The following DLC1 variants were observed in gnomAD, a reference collection of about 807,000 sequenced individuals.
DLC1 encodes the protein rho GTPase-activating protein 7.
A neutral mutation model predicts 140.3 loss-of-function variants in DLC1; 54 were observed. The observed-to-expected ratio is 0.38, with a 90% CI of 0.31 to 0.48. DLC1 has a LOEUF of 0.48. DLC1 is among the 20% of genes least tolerant of loss of function. The probability of loss-of-function intolerance (pLI) is 0.96; values close to 1 mark genes in which losing one functional copy is unlikely to be tolerated. For missense variants in DLC1, 2,536 were observed against 1,907.0 expected, an observed-to-expected ratio of 1.33 and a Z score of -6.14; for synonymous variants, 986 against 728.1, an observed-to-expected ratio of 1.35 and a Z score of -5.70.
At chr8:13,428,337 T>C (rs1287772143) in intron 2 of DLC1, among the ~76,000 whole-genome samples, 4 of 152,172 alleles carry the variant, frequency 2.6e-5, no homozygotes, top group Non-Finnish European at 5.9e-5. Context: ...TAGAGGATTT[T>C]CACTTTAATT....
intron 1 of DLC1, among the ~76,000 whole-genome samples, chr8:13,537,576 A>G (rs2101109): frequency 0.64 from 97,307 of 151,580 alleles, 31,478 homozygotes; most frequent in Non-Finnish European, 0.66. Context: ...GCAGAGTGAC[A>G]GTAACTGTTG....
At chr8:13,130,059 T>G (rs548636833) in intron 5 of DLC1, among the ~76,000 whole-genome samples, 59 of 152,290 alleles carry the variant, frequency 3.9e-4, no homozygotes, top group African/African-American at 1.3e-3. Context: ...CCCACTGTAC[T>G]CTGGATGCCC....
chr8:13,547,479 G>A (rs1338743306), intron 1 of DLC1, among the ~76,000 whole-genome samples: 1 of 152,004 alleles, frequency 6.6e-6, no homozygotes, highest in Non-Finnish European at 1.5e-5. Flanking sequence ...AAATGTCACT[G>A]TCTTAAGGGA....
At chr8:13,443,108 A>G (rs1438501700) in intron 2 of DLC1, among the ~76,000 whole-genome samples, 1 of 151,804 alleles carries the variant, frequency 6.6e-6, no homozygotes, top group African/African-American at 2.4e-5. Context: ...TCAAGGACAA[A>G]AAACCAAACA....
intron 4 of DLC1, among the ~76,000 whole-genome samples, chr8:13,353,873 A>G (rs1834797501): frequency 6.6e-6 from 1 of 151,850 alleles, no homozygotes; most frequent in Non-Finnish European, 1.5e-5. Context: ...AAAAAAAAAA[A>G]GATTTTTCTC....
rs575115241 is a variant in DLC1 at position 13,191,978 on chromosome 8, G to T, written c.1349-76321C>A. 1.1e-4 allele frequency among the ~76,000 whole-genome samples: 17 copies of T among 149,870 alleles called. No homozygotes were observed. The South Asian group carries it at 3.6e-3, about 32-fold the overall frequency. On this transcript the variant is annotated intron_variant, in intron 5 of 17. Coordinates refer to ENST00000276297, the MANE Select transcript of DLC1 (RefSeq NM_182643.3). ...TATTATTTTTATGGAGTCTTGCTCT[G>T]TTGCCCAGGCTGGAGTACAGTGGTG...
intron 1 of DLC1, among the ~76,000 whole-genome samples, chr8:13,506,581 GTATATA>G (rs36209609): frequency 0.13 from 17,653 of 130,820 alleles, 1,488 homozygotes; most frequent in Middle Eastern, 0.2. Context: ...GTGTGTGTGT[GTATATA>G]TATATATATA....
In DLC1 at chr8:13,085,863, C is replaced by T. The variant is rs747768907; in HGVS notation, c.4535G>A (p.Arg1512Gln). 6 of 1,614,130 alleles carry T rather than the reference C, an allele frequency of 3.7e-6. No individual in the cohort carries two copies. The South Asian group carries it at 5.5e-5, about 15-fold the overall frequency. ...AGTGTTCTGGTTACTGAAGGAATCC[C>T]GGATCTTTACAACTTCAGCTGCACA... is the stretch of plus-strand genomic sequence containing the variant. ...HLCAAEVVKI[R>Q]DSFSNQNTET... The change falls in exon 18 of 18, where the codon CGG becomes CAG. Residue 1512 changes from arginine (R) to glutamine (Q), a missense_variant. Physicochemically the swap from Arg to Gln is conservative, Grantham distance 43. Transcript: ENST00000276297.
Position 13,090,264 on chromosome 8 carries a change from C to G in DLC1, c.4062G>C (p.Leu1354=), listed in dbSNP as rs150834846. ...GGTGAAGCCTTACCTTCTTATAGGACAGCTCAGCCTGCTCCGAAGTGGAGT... is the reference window on the plus strand; with the variant it reads ...GGTGAAGCCTTACCTTCTTATAGGAGAGCTCAGCCTGCTCCGAAGTGGAGT... The part of the protein sequence containing the change: ...VSYSTSEQAE[L]SYKKVSEGPP... Residue 1354 remains leucine, a synonymous_variant, in exon 15 of 18, where the codon CTG becomes CTC. Transcript: ENST00000276297. The G allele has an allele frequency of 6.2e-7, 1 of 1,614,022 alleles. No individual in the cohort carries two copies. The highest frequency in any genetic ancestry group is 8.5e-7 in the Non-Finnish European group (1 of 1,179,968).
intron 4 of DLC1, among the ~76,000 whole-genome samples, chr8:13,383,006 A>C (rs181896049): frequency 2.2e-4 from 34 of 152,344 alleles, no homozygotes; most frequent in Admixed American, 5.9e-4. Flanking sequence ...AAACACCTAT[A>C]GCTTGGCTCA....
intron 5 of DLC1, among the ~76,000 whole-genome samples, chr8:13,279,104 C>G (rs1300437472): frequency 6.6e-6 from 1 of 152,216 alleles, no homozygotes; most frequent in African/African-American, 2.4e-5. Context: ...AGCTAATGCT[C>G]TTTAATCTTA....
intron 4 of DLC1, among the ~76,000 whole-genome samples, chr8:13,320,728 A>G (rs1233569259): frequency 6.6e-6 from 1 of 152,138 alleles, no homozygotes; most frequent in African/African-American, 2.4e-5. Flanking sequence ...GTTGAAAAGA[A>G]CTTAGGCTGG....
chr8:13,311,911 C>G (rs561269212), intron 4 of DLC1, among the ~76,000 whole-genome samples: 1 of 152,132 alleles, frequency 6.6e-6, no homozygotes. Flanking sequence ...AAGCTGGTGA[C>G]TCTGTCTTCA....
In DLC1 at chr8:13,091,391, T is replaced by C. The variant is rs758738189; in HGVS notation, c.3782A>G (p.Lys1261Arg). 2.5e-6 allele frequency: 4 copies of C among 1,614,164 alleles called. No individual in the cohort carries two copies. In the East Asian group the frequency reaches 8.9e-5, roughly 36 times the overall value. The change falls in exon 14 of 18, where the codon AAA (lysine) becomes AGA (arginine). Residue 1261 changes from lysine (K) to arginine (R), a missense_variant. Physicochemically the swap from Lys to Arg is conservative, Grantham distance 26. Coordinates refer to ENST00000276297, the MANE Select transcript of DLC1 (RefSeq NM_182643.3). ...GGCAGCTAGGTTTTCATTCAAATCT[T>C]TCTGATCTGGTTTGCCCAAACTTTG... Reference protein sequence around the residue: ...RKQSLGKPDQKDLNENLAATQ... With the variant: ...RKQSLGKPDQRDLNENLAATQ...
intron 5 of DLC1, among the ~76,000 whole-genome samples, chr8:13,203,003 C>G (rs1371805052): frequency 1.3e-5 from 2 of 152,126 alleles, no homozygotes; most frequent in African/African-American, 2.4e-5. Flanking sequence ...CTTTCTTTAT[C>G]AAAATTAGCT....
chr8:13,196,403 C>G lies in DLC1; in HGVS notation c.1349-80746G>C, dbSNP rs57102277. 5.5e-3 allele frequency among the ~76,000 whole-genome samples: 844 copies of G among 152,220 alleles called. 12 individuals are homozygous for G. The highest frequency in any genetic ancestry group is 0.019 in the African/African-American group (792 of 41,528). On this transcript the variant is annotated intron_variant, in intron 5 of 17. Coordinates refer to ENST00000276297, the MANE Select transcript of DLC1 (RefSeq NM_182643.3). ...ACAAGAAGACACTTTACTACATTGC[C>G]TTTATTTTTCTCATTTCAACACATA...
At chr8:13,233,567 C>T (rs892962693) in intron 5 of DLC1, among the ~76,000 whole-genome samples, 2 of 151,968 alleles carry the variant, frequency 1.3e-5, no homozygotes, top group African/African-American at 4.8e-5. Flanking sequence ...GTATATTCTA[C>T]AAAAGAGAAT....
intron 5 of DLC1, among the ~76,000 whole-genome samples, chr8:13,279,911 G>C (rs1022844993): frequency 1.6e-4 from 24 of 152,042 alleles, no homozygotes; most frequent in Admixed American, 1.6e-3. Context: ...AATTAGTGTT[G>C]TCTCAGCTTA....
At chr8:13,295,278 T>C (rs572948128) in intron 5 of DLC1, among the ~76,000 whole-genome samples, 1 of 152,338 alleles carries the variant, frequency 6.6e-6, no homozygotes, top group East Asian at 1.9e-4. Context: ...AGAAACGTGG[T>C]TGGGAAATTT....
Sources: allele counts gnomAD v4.1 joint callset (sites outside exome capture counted in the v4.1 genomes callset), GRCh38; gene constraint gnomAD v4.1.1; transcripts MANE v1.5; gene names NCBI Gene and HGNC (gene_info 2026-07-23, HGNC 2026-07-21).